Variants in HERC4 observed in about 807,000 individuals in gnomAD.
The protein encoded by HERC4 is probable E3 ubiquitin-protein ligase HERC4.
HERC4 carries 28 observed loss-of-function variants against 124.3 expected under a neutral mutation model. The observed-to-expected ratio is 0.23, with a 90% CI of 0.17 to 0.31. The LOEUF is 0.31. HERC4 is among the 10% of genes least tolerant of loss of function. The pLI is 1.00. For synonymous variants in HERC4, 407 were observed against 421.5 expected (o/e 0.97, Z 0.42); for missense variants, 713 against 1,229.3 (o/e 0.58, Z 6.28).
rs761600974 is a variant in HERC4 at position 68,039,507 on chromosome 10, T to C, written c.387-1338A>G. 13 of 1,550,442 alleles carry C rather than the reference T, an allele frequency of 8.4e-6. No individual in the cohort carries two copies. In the South Asian group the frequency reaches 1.5e-4, roughly 18 times the overall value. The stretch of plus-strand genomic sequence containing the variant: ...GAAGCAGCTTCAGCAAATCAAAGTT[T>C]GAGCAGGAAAAAGGAGAGTTACTCT... On this transcript the variant is annotated intron_variant, in intron 4 of 24. Transcript: ENST00000373700.
chr10:68,073,216 T>C (rs1016733310), intron 2 of HERC4, 30 bp from the exon 3 acceptor site: 10 of 771,790 alleles, frequency 1.3e-5, no homozygotes, highest in African/African-American at 3.5e-5. Context: ...TTAATATGAC[T>C]TCAAAGAAAA....
At chr10:68,037,770 C>T (rs550932139) in intron 5 of HERC4, among the ~76,000 whole-genome samples, 66 of 152,222 alleles carry the variant, frequency 4.3e-4, no homozygotes, top group Non-Finnish European at 8.7e-4. Context: ...AAACAAAATG[C>T]TAATGGAAAA....
intron 7 of HERC4, among the ~76,000 whole-genome samples, chr10:68,029,446 C>T (rs1050218287): frequency 2.6e-5 from 4 of 151,668 alleles, no homozygotes; most frequent in South Asian, 4.2e-4. Flanking sequence ...GGGCCGAGAT[C>T]GCACCACTGT....
At chr10:67,972,557 A>T (rs2035312793) in intron 15 of HERC4, among the ~76,000 whole-genome samples, 1 of 90,450 alleles carries the variant, frequency 1.1e-5, no homozygotes, top group South Asian at 3.3e-4. Context: ...AAAAAAAAAG[A>T]ATTTCTCTGT....
chr10:67,973,784 T>C (rs997084789), intron 15 of HERC4, among the ~76,000 whole-genome samples: 5 of 152,198 alleles, frequency 3.3e-5, no homozygotes, highest in Admixed American at 1.3e-4. Context: ...TTGGGCACGG[T>C]GGCTCATGCC....
intron 15 of HERC4, among the ~76,000 whole-genome samples, chr10:67,970,175 C>CTAAA (rs58609957): frequency 1 from 152,329 of 152,348 alleles, 76,155 homozygotes; most frequent in Middle Eastern, 1. Flanking sequence ...TAACTCCTGA[C>CTAAA]TAAACTCAAA....
At chr10:68,000,702 A>T (rs888163953) in intron 9 of HERC4, among the ~76,000 whole-genome samples, 8 of 152,198 alleles carry the variant, frequency 5.3e-5, no homozygotes, top group Admixed American at 4.6e-4. Flanking sequence ...TAGGTCCATA[A>T]CCCAATGTTT....
intron 5 of HERC4, among the ~76,000 whole-genome samples, chr10:68,037,776 G>C (rs1030715714): frequency 2.6e-5 from 4 of 152,150 alleles, no homozygotes; most frequent in African/African-American, 7.2e-5. Flanking sequence ...AATGCTAATG[G>C]AAAAAATTAA....
At chr10:67,974,314 T>C (rs985292474) in intron 15 of HERC4, among the ~76,000 whole-genome samples, 1 of 152,002 alleles carries the variant, frequency 6.6e-6, no homozygotes, top group African/African-American at 2.4e-5. Context: ...GCAGACCCTA[T>C]AGAGATGTTG....
intron 24 of HERC4, 69 bp from the exon 25 acceptor site, chr10:67,923,208 TAC>T: frequency 8.9e-7 from 1 of 1,121,622 alleles, no homozygotes; most frequent in Non-Finnish European, 1.3e-6. Context: ...TAATATTTGG[TAC>T]AGTCGCTACA....
chr10:68,049,393 G>A (rs1005396759), intron 3 of HERC4, among the ~76,000 whole-genome samples: 1 of 151,982 alleles, frequency 6.6e-6, no homozygotes, highest in Non-Finnish European at 1.5e-5. Context: ...GTCGGGCACA[G>A]TGGCTCACAT....
At chr10:67,996,569 A>G (rs969513726) in intron 9 of HERC4, among the ~76,000 whole-genome samples, 5 of 152,238 alleles carry the variant, frequency 3.3e-5, no homozygotes, top group Non-Finnish European at 4.4e-5. Context: ...GGTTAAAATC[A>G]TTAATACTTA....
Position 68,032,763 on chromosome 10 carries a change from T to C in HERC4, c.777+15A>G. ...TATGATGAGTAATAATAAAGAAGTT[T>C]TAGAAGTACAATACCTTGGTTAGAG... On this transcript the variant is annotated intron_variant, in intron 7 of 24. Transcript: ENST00000373700. 7.5e-7 allele frequency: 1 copy of C among 1,333,576 alleles called. No homozygotes were observed. Among genetic ancestry groups the C allele is most frequent in the Non-Finnish European group, 1.1e-6 (1 of 928,524 alleles). The allele number at this position is 1,333,576 out of a possible 1,614,324, so 82.6% of individuals were successfully genotyped here. A position where few individuals can be genotyped will look rare whatever the true frequency, so the allele number is the denominator to read the frequency against.
chr10:67,986,954 A>G (rs2036296604), intron 15 of HERC4, among the ~76,000 whole-genome samples: 1 of 152,162 alleles, frequency 6.6e-6, no homozygotes. Context: ...ATAAATGTGG[A>G]CATTCATTTT....
chr10:67,938,186 T>G (rs1044350628), intron 21 of HERC4, among the ~76,000 whole-genome samples: 4 of 151,752 alleles, frequency 2.6e-5, no homozygotes, highest in Non-Finnish European at 4.4e-5. Context: ...CTCACGCCTG[T>G]AATCCCAGCA....
In HERC4 at chr10:67,928,813, C is replaced by T. The variant is rs568457168; in HGVS notation, c.2839-3626G>A. 2.4e-4 allele frequency among the ~76,000 whole-genome samples: 36 copies of T among 152,060 alleles called. 1 individual carries two copies. In the South Asian group the frequency reaches 5.8e-3, roughly 25 times the overall value. On this transcript the variant is annotated intron_variant, in intron 23 of 24. Coordinates refer to ENST00000373700, the MANE Select transcript of HERC4 (RefSeq NM_015601.4). ...TGGCATGTCTGTAGTTCCAGCTACT[C>T]GGGAGGCTGAGGCAGAAGAATCGCT...
At position 68,059,210 on chromosome 10, in the gene HERC4, T is replaced by C. The variant is rs138315876; in HGVS notation, c.226+13673A>G. On this transcript the variant is annotated intron_variant, in intron 3 of 24. Transcript: ENST00000373700. ...TTTTCCATATGAACTTGAGTATATA[T>C]TTGTCTACTTCCCTCAAAAGCCATT... Among the ~76,000 whole-genome samples the C allele has an allele frequency of 8.6e-5, 13 of 151,886 alleles. No individual in the cohort carries two copies. The East Asian group carries it at 2.5e-3, about 29-fold the overall frequency.
chr10:67,999,455 A>C (rs1477986373), intron 9 of HERC4, among the ~76,000 whole-genome samples: 5 of 152,240 alleles, frequency 3.3e-5, no homozygotes. Context: ...GGAGTCTCAG[A>C]GCCCTATTAA....
chr10:68,064,472 T>C (rs563222722), intron 3 of HERC4, among the ~76,000 whole-genome samples: 26 of 147,574 alleles, frequency 1.8e-4, no homozygotes, highest in Middle Eastern at 7.1e-3. Context: ...GAGAATCATC[T>C]GAACCTGGGA....
Sources: gnomAD v4.1 joint callset for allele counts (sites outside exome capture counted in the v4.1 genomes callset) on GRCh38, gnomAD v4.1.1 for gene constraint, MANE v1.5 for transcripts, NCBI Gene and HGNC (gene_info 2026-07-23, HGNC 2026-07-21) for gene names.